KIF14: variants seen among roughly 807,000 people sequenced by gnomAD.
KIF14 encodes kinesin-like protein KIF14.
KIF14 carries 98 observed loss-of-function variants against 176.2 expected under a neutral mutation model. The ratio of observed to expected loss-of-function variants is 0.56; its 90% CI spans 0.47 to 0.66. KIF14 has a LOEUF of 0.66. Ranked by LOEUF, KIF14 falls within the 30% of genes least tolerant of loss-of-function variation. KIF14 has a pLI of 0.00. For synonymous variants in KIF14, 566 were observed against 632.2 expected (o/e 0.90, Z 1.57); for missense variants, 1,751 against 1,920.4 (o/e 0.91, Z 1.65).
At chr1:200,574,599 G>A (rs1258400826) in intron 22 of KIF14, among the ~76,000 whole-genome samples, 1 of 152,032 alleles carries the variant, frequency 6.6e-6, no homozygotes, top group African/African-American at 2.4e-5. Context: ...GCTTCCTCAG[G>A]GCATAGCAGA....
At chr1:200,583,298 A>G (rs1658559599) in intron 19 of KIF14, among the ~76,000 whole-genome samples, 1 of 152,176 alleles carries the variant, frequency 6.6e-6, no homozygotes, top group South Asian at 2.1e-4. Flanking sequence ...AGAAATTATT[A>G]TTAATATAGT....
chr1:200,595,724 G>A (rs1659297580), intron 14 of KIF14, among the ~76,000 whole-genome samples: 2 of 152,014 alleles, frequency 1.3e-5, no homozygotes, highest in African/African-American at 4.8e-5. Flanking sequence ...CAAGGTGGGT[G>A]GATCACCTGA....
intron 13 of KIF14, among the ~76,000 whole-genome samples, chr1:200,598,861 A>G (rs1659494421): frequency 6.6e-6 from 1 of 152,032 alleles, no homozygotes; most frequent in Admixed American, 6.6e-5. Flanking sequence ...GCCCGGCCAT[A>G]AAGGTTTTTT....
At chr1:200,585,669 T>A (rs1417674692) in intron 19 of KIF14, among the ~76,000 whole-genome samples, 1 of 152,160 alleles carries the variant, frequency 6.6e-6, no homozygotes, top group African/African-American at 2.4e-5. Flanking sequence ...CAGGTTCTGG[T>A]GAGGGCCCTG....
chr1:200,569,081 A>C (rs890291249), intron 23 of KIF14, among the ~76,000 whole-genome samples: 1 of 151,874 alleles, frequency 6.6e-6, no homozygotes, highest in Middle Eastern at 3.2e-3. Flanking sequence ...ATGCGCCACC[A>C]CACCCAGCTA....
chr1:200,586,128 G>T lies in KIF14; in HGVS notation c.3214C>A (p.Arg1072=). The change falls in exon 19 of 30, where the codon CGG becomes AGG. Residue 1072 remains arginine, a synonymous_variant. Transcript: ENST00000367350. ...GTAAAAGTTTTATCCCTATTATTCC[G>T]ATTCTGCTGTAGAATTTGTACTTCT... ...AKEVQILQQN[R]NNRDKTFTVQ... is the part of the protein sequence containing the mutation. The T allele has an allele frequency of 6.3e-7, 1 of 1,589,152 alleles. No individual in the cohort carries two copies. The highest frequency in any genetic ancestry group is 1.7e-5 in the Admixed American group (1 of 58,424).
chr1:200,585,563 T>C (rs75913335), intron 19 of KIF14, among the ~76,000 whole-genome samples: 10,109 of 152,270 alleles, frequency 0.066, 524 homozygotes, highest in Non-Finnish European at 0.1. Flanking sequence ...GCAGTACTAT[T>C]AACAAATTGC....
intron 4 of KIF14, among the ~76,000 whole-genome samples, chr1:200,610,296 C>G (rs1211418468): frequency 6.6e-6 from 1 of 151,976 alleles, no homozygotes; most frequent in Non-Finnish European, 1.5e-5. Context: ...GTCAGGGGAT[C>G]GAGACCATCC....
intron 3 of KIF14, among the ~76,000 whole-genome samples, chr1:200,614,790 CAAAAAAAAAAAAAAAA>C (rs67447333): frequency 4.0e-5 from 3 of 74,862 alleles, no homozygotes; most frequent in Non-Finnish European, 6.9e-5. Flanking sequence ...AACCTTGCTA[CAAAAAAAAAAAAAAAA>C]AAAAAAAAAA....
rs554039009 is a variant in KIF14 at position 200,560,417 on chromosome 1, G to T, written c.4230+305C>A. Among the ~76,000 whole-genome samples the T allele has an allele frequency of 3.3e-5, 5 of 152,142 alleles. No homozygotes were observed. In the South Asian group the frequency reaches 8.3e-4, roughly 25 times the overall value. ...CTCCTGAGTAGCTGGGATTACAGGC[G>T]TGGGCCACCATGACTGGCTAACTTT... On this transcript the variant is annotated intron_variant, in intron 26 of 29. Coordinates refer to ENST00000367350, the MANE Select transcript of KIF14 (RefSeq NM_014875.3).
chr1:200,600,158 G>T, intron 12 of KIF14, 45 bp from the exon 13 acceptor site: 1 of 1,386,608 alleles, frequency 7.2e-7, no homozygotes, highest in South Asian at 1.2e-5. Flanking sequence ...ACATCCAGAT[G>T]TATAAGATTG....
At chr1:200,605,147 G>GA (rs1279521097) in intron 8 of KIF14, 136 bp downstream of exon 8, 31 of 784,730 alleles carry the variant, frequency 4.0e-5, no homozygotes, top group Admixed American at 5.0e-5. Flanking sequence ...CTTGCCTGTG[G>GA]AAAAAAAATA....
At chr1:200,601,792 G>T in intron 11 of KIF14, 104 bp downstream of exon 11, 1 of 856,362 alleles carries the variant, frequency 1.2e-6, no homozygotes, top group Non-Finnish European at 1.8e-6. Context: ...AATAGGTATA[G>T]AAAAACACCT....
At position 200,594,884 on chromosome 1, in the gene KIF14, T is replaced by C. The variant is rs1434994390; in HGVS notation, c.2550-1115A>G. Among the ~76,000 whole-genome samples the C allele has an allele frequency of 2.0e-5, 3 of 152,226 alleles. No homozygotes were observed. The East Asian group carries it at 5.8e-4, about 29-fold the overall frequency. On this transcript the variant is annotated intron_variant, in intron 14 of 29. Coordinates refer to ENST00000367350, the MANE Select transcript of KIF14 (RefSeq NM_014875.3). ...CACTACATCCCTCCTACCAGTCTAG[T>C]GTCTTATCCAGGTGAAGGTTTATAC...
Position 200,592,106 on chromosome 1 carries a change from A to AT in KIF14, c.2786dup (p.Asn929LysfsTer2), listed in dbSNP as rs1263467732. 1.2e-6 allele frequency: 2 copies of AT among 1,613,416 alleles called. No individual in the cohort carries two copies. Among genetic ancestry groups the AT allele is most frequent in the Admixed American group, 1.7e-5 (1 of 59,844 alleles). ...GTGATCTCTGTGCCATGAGCAACTC[A>AT]TTTTTTGCAAATTCAAAGTCTTTTG... On this transcript the variant is annotated frameshift_variant, in exon 16 of 30. Transcript: ENST00000367350. LOFTEE classifies it high-confidence loss of function.
intron 4 of KIF14, among the ~76,000 whole-genome samples, chr1:200,611,122 C>T (rs1660136311): frequency 6.6e-6 from 1 of 152,176 alleles, no homozygotes; most frequent in Admixed American, 6.5e-5. Flanking sequence ...CCAAACAGCT[C>T]TTCTGACAGT....
At chr1:200,565,387 T>C in intron 24 of KIF14, 58 bp downstream of exon 24, 1 of 1,448,530 alleles carries the variant, frequency 6.9e-7, no homozygotes, top group Non-Finnish European at 9.4e-7. Context: ...CAAAACAAAG[T>C]GCAATGTGCA....
intron 8 of KIF14, 142 bp downstream of exon 8, chr1:200,605,141 C>T (rs1317931924): frequency 1.2e-5 from 9 of 724,366 alleles, no homozygotes; most frequent in Admixed American, 2.5e-5. Flanking sequence ...TACTATCTTG[C>T]CTGTGGAAAA....
intron 21 of KIF14, among the ~76,000 whole-genome samples, chr1:200,580,027 G>C (rs995590695): frequency 6.6e-6 from 1 of 151,682 alleles, no homozygotes; most frequent in Non-Finnish European, 1.5e-5. Context: ...ACCTATAACT[G>C]TATTAAAACA....
Sources: allele counts gnomAD v4.1 joint callset (sites outside exome capture counted in the v4.1 genomes callset), GRCh38; gene constraint gnomAD v4.1.1; transcripts MANE v1.5; gene names NCBI Gene and HGNC (gene_info 2026-07-23, HGNC 2026-07-21).